The following NF1 variants were observed in gnomAD, a reference collection of about 807,000 sequenced individuals.
NF1 encodes the protein neurofibromin.
A neutral mutation model predicts 325.7 loss-of-function variants in NF1; 122 were observed. The observed-to-expected ratio is 0.37, with a 90% CI of 0.32 to 0.44. The LOEUF is 0.44. Ranked by LOEUF, NF1 falls within the 20% of genes least tolerant of loss-of-function variation. The probability of loss-of-function intolerance (pLI) is 1.00; values close to 1 mark genes in which losing one functional copy is unlikely to be tolerated. For synonymous variants in NF1, 1,091 were observed against 1,186.0 expected, an observed-to-expected ratio of 0.92 and a Z score of 1.65; for missense variants, 2,140 against 3,415.4, an observed-to-expected ratio of 0.63 and a Z score of 9.31.
At chr17:31,319,102 G>A in intron 36 of NF1, 1 of 1,408,570 alleles carries the variant, frequency 7.1e-7, no homozygotes, top group Non-Finnish European at 9.5e-7. Flanking sequence ...TTAAAAGATA[G>A]TGTTGAGATG....
chr17:31,244,091 G>C (rs536753801), intron 29 of NF1, among the ~76,000 whole-genome samples: 3 of 152,134 alleles, frequency 2.0e-5, no homozygotes, highest in Non-Finnish European at 4.4e-5. Flanking sequence ...TCTGGCCCAG[G>C]GTTTGTTTAG....
chr17:31,127,226 G>T (rs1914958753), intron 1 of NF1, among the ~76,000 whole-genome samples: 1 of 151,962 alleles, frequency 6.6e-6, no homozygotes, highest in East Asian at 1.9e-4. Flanking sequence ...AGTATGGCAG[G>T]TCCCCAAAAG....
Position 31,360,635 on chromosome 17 carries a change from T to C in NF1, c.8309T>C (p.Leu2770Pro). The C allele has an allele frequency of 6.2e-7, 1 of 1,614,116 alleles. No homozygotes were observed. The highest frequency in any genetic ancestry group is 8.5e-7 in the Non-Finnish European group (1 of 1,180,016). Residue 2770 changes from leucine to proline, a missense_variant, in exon 57 of 58, where the codon CTT (leucine) becomes CCT (proline). Leu to Pro is a moderately conservative substitution (Grantham distance 98). This residue lies in a region of NF1 where 522 missense variants were observed against 749.0 expected (regional missense o/e 0.70). Coordinates refer to ENST00000358273, the MANE Select transcript of NF1 (RefSeq NM_001042492.3). ...TACCCTCCTGCACTGCAGAGCCAGC[T>C]TAGTATCACTGCCAACCTTAACCTT... Reference protein sequence around the residue: ...SPYPPALQSQLSITANLNLSN... With the variant: ...SPYPPALQSQPSITANLNLSN...
intron 14 of NF1, among the ~76,000 whole-genome samples, chr17:31,219,765 T>C (rs1031761574): frequency 1.3e-5 from 2 of 152,152 alleles, no homozygotes; most frequent in African/African-American, 4.8e-5. Flanking sequence ...ATCTATTTTC[T>C]GTCTCTATGG....
intron 29 of NF1, 80 bp downstream of exon 29, chr17:31,236,101 C>G (rs527280838): frequency 2.0e-6 from 2 of 979,850 alleles, no homozygotes; most frequent in African/African-American, 3.2e-5. Flanking sequence ...CTGCATGAAG[C>G]AAGGCACCTT....
At chr17:31,130,115 T>C (rs1471956750) in intron 1 of NF1, among the ~76,000 whole-genome samples, 1 of 149,122 alleles carries the variant, frequency 6.7e-6, no homozygotes, top group Non-Finnish European at 1.5e-5. Flanking sequence ...ATGATGACCT[T>C]GGATGTTTGT....
At chr17:31,104,484 C>T (rs757764586) in intron 1 of NF1, among the ~76,000 whole-genome samples, 10 of 152,060 alleles carry the variant, frequency 6.6e-5, no homozygotes, top group African/African-American at 4.8e-5. Context: ...GGATCAATAC[C>T]GAAGCAGAAT....
chr17:31,164,305 A>G (rs987494115), intron 4 of NF1, among the ~76,000 whole-genome samples: 2 of 152,242 alleles, frequency 1.3e-5, no homozygotes, highest in African/African-American at 4.8e-5. Flanking sequence ...ACTCAAAATC[A>G]TCCTGAGCAT....
intron 51 of NF1, among the ~76,000 whole-genome samples, chr17:31,353,643 T>C (rs562485285): frequency 6.6e-6 from 1 of 152,200 alleles, no homozygotes; most frequent in South Asian, 2.1e-4. Flanking sequence ...ACAAAAACAC[T>C]GATCTTACAT....
At chr17:31,205,548 C>T (rs1295237228) in intron 11 of NF1, among the ~76,000 whole-genome samples, 1 of 151,950 alleles carries the variant, frequency 6.6e-6, no homozygotes, top group Non-Finnish European at 1.5e-5. Context: ...GCACTAAAAA[C>T]TAGACATCAG....
In NF1 at chr17:31,230,702, G is replaced by A; in HGVS notation, c.3114-140G>A. 1.1e-5 allele frequency: 8 copies of A among 731,892 alleles called. No homozygotes were observed. The South Asian group carries it at 1.3e-4, about 11-fold the overall frequency. The allele number at this position is 731,892 out of a possible 1,614,324, so 45.3% of individuals were successfully genotyped here. A position where few individuals can be genotyped will look rare whatever the true frequency, so the allele number is the denominator to read the frequency against. ...TCTGGCTTTTATGTCTGTGATAGCA[G>A]TATCTCTTTTATAAAGTCGTCATGT... On this transcript the variant is annotated intron_variant, in intron 23 of 57. Transcript: ENST00000358273.
chr17:31,234,385 A>C (rs1425879769), intron 27 of NF1, among the ~76,000 whole-genome samples: 2 of 152,146 alleles, frequency 1.3e-5, no homozygotes, highest in African/African-American at 4.8e-5. Context: ...ATAAAGAATC[A>C]GTTAAGGGCC....
At chr17:31,115,799 A>G (rs1913851535) in intron 1 of NF1, among the ~76,000 whole-genome samples, 3 of 152,208 alleles carry the variant, frequency 2.0e-5, no homozygotes, top group African/African-American at 7.2e-5. Flanking sequence ...TGGCAGAAGC[A>G]CTGTAGGCAG....
intron 3 of NF1, among the ~76,000 whole-genome samples, chr17:31,161,757 C>T (rs1157354943): frequency 1.3e-5 from 2 of 152,134 alleles, no homozygotes; most frequent in Admixed American, 6.5e-5. Flanking sequence ...ATATACAGGC[C>T]GGGCACCATG....
chr17:31,363,140 A>C (rs1396809220), intron 57 of NF1, among the ~76,000 whole-genome samples: 1 of 152,190 alleles, frequency 6.6e-6, no homozygotes, highest in African/African-American at 2.4e-5. Context: ...TGTGGTGTTC[A>C]ACTCTTCCTG....
chr17:31,303,119 C>A (rs1006972578), intron 36 of NF1, among the ~76,000 whole-genome samples: 11 of 152,286 alleles, frequency 7.2e-5, no homozygotes, highest in African/African-American at 2.4e-4. Flanking sequence ...TGAATAAATG[C>A]TATGTTCTAC....
Position 31,169,983 on chromosome 17 carries a change from A to AC in NF1, c.572_573insC (p.Lys191AsnfsTer10). ...ATCAATGTGGATTGTGCAAAATTAAAACGACTCCTGAAGGGTAAGTTTAAA... is the reference window on the plus strand; with the variant it reads ...ATCAATGTGGATTGTGCAAAATTAAACACGACTCCTGAAGGGTAAGTTTAAA... On this transcript the variant is annotated frameshift_variant, in exon 5 of 58. Coordinates refer to ENST00000358273, the MANE Select transcript of NF1 (RefSeq NM_001042492.3). LOFTEE classifies it high-confidence loss of function. 3 of 1,531,730 alleles carry AC rather than the reference A, an allele frequency of 2.0e-6. No individual in the cohort carries two copies. Among genetic ancestry groups the AC allele is most frequent in the Non-Finnish European group, 2.7e-6 (3 of 1,112,772 alleles). 94.9% of individuals were successfully genotyped at this position (1,531,730 alleles called of 1,614,324 possible).
intron 31 of NF1, chr17:31,253,645 A>T (rs2067530891): frequency 6.6e-6 from 1 of 152,294 alleles, no homozygotes; most frequent in Non-Finnish European, 1.5e-5. Context: ...AGAAAAACAC[A>T]TCATTCTGCA....
At position 31,144,997 on chromosome 17, in the gene NF1, G is replaced by T. The variant is rs142700397; in HGVS notation, c.61-10986G>T. The stretch of plus-strand genomic sequence containing the variant: ...CAGAGTTCTTAAAATGGCCTATAAG[G>T]CTTTTCATGATCTGACTCCTGCTTC... On this transcript the variant is annotated intron_variant, in intron 1 of 57. Transcript: ENST00000358273. 3.4e-3 allele frequency among the ~76,000 whole-genome samples: 513 copies of T among 152,230 alleles called. 2 individuals are homozygous for T. The highest frequency in any genetic ancestry group is 5.2e-3 in the Non-Finnish European group (356 of 67,984).
Sources: allele counts gnomAD v4.1 joint callset (sites outside exome capture counted in the v4.1 genomes callset), GRCh38; gene constraint gnomAD v4.1.1; regional missense constraint gnomAD v4.1.1; transcripts MANE v1.5; gene names NCBI Gene and HGNC (gene_info 2026-07-23, HGNC 2026-07-21).